The following HPSE2 variants were observed in gnomAD, a reference collection of about 807,000 sequenced individuals.
The protein encoded by HPSE2 is inactive heparanase-2.
A neutral mutation model predicts 60.5 loss-of-function variants in HPSE2; 38 were observed. The observed-to-expected ratio is 0.63, with a 90% CI of 0.48 to 0.82. The LOEUF is 0.82. Ranked by LOEUF, HPSE2 falls within the 40% of genes least tolerant of loss-of-function variation. HPSE2 has a pLI of 0.00. For missense variants in HPSE2, 713 were observed against 740.4 expected (o/e 0.96, Z 0.43); for synonymous variants, 295 against 293.2 (o/e 1.01, Z -0.06).
At chr10:99,290,248 T>C in the HPSE2 span, among the ~76,000 whole-genome samples, 4 of 151,984 alleles carry the variant, frequency 2.6e-5, no homozygotes, top group African/African-American at 7.3e-5. Flanking sequence ...AATGGAGAAG[T>C]GAAAAAGCCA....
chr10:98,664,096 C>T (rs972489855), intron 6 of HPSE2, among the ~76,000 whole-genome samples: 14 of 152,086 alleles, frequency 9.2e-5, no homozygotes, highest in Non-Finnish European at 1.5e-5. Context: ...GGGTACAGCT[C>T]TTTGTTACCC....
intron 3 of HPSE2, among the ~76,000 whole-genome samples, chr10:99,098,964 T>G (rs1393827761): frequency 6.6e-6 from 1 of 152,092 alleles, no homozygotes; most frequent in Non-Finnish European, 1.5e-5. Flanking sequence ...ATTTTAAACA[T>G]CTCCTTTTTT....
intron 3 of HPSE2, among the ~76,000 whole-genome samples, chr10:98,980,794 A>T (rs1403988516): frequency 6.6e-6 from 1 of 152,202 alleles, no homozygotes; most frequent in African/African-American, 2.4e-5. Context: ...ATTTCATATG[A>T]TCAAATCTAA....
At chr10:99,164,751 G>A (rs1173740685) in intron 2 of HPSE2, among the ~76,000 whole-genome samples, 1 of 151,806 alleles carries the variant, frequency 6.6e-6, no homozygotes, top group Non-Finnish European at 1.5e-5. Context: ...TAGGCCAGGC[G>A]CAGTGGCGCA....
At chr10:98,471,593 T>C (rs1940782999) in intron 11 of HPSE2, among the ~76,000 whole-genome samples, 1 of 152,180 alleles carries the variant, frequency 6.6e-6, no homozygotes, top group Non-Finnish European at 1.5e-5. Flanking sequence ...AGTTTTTTGC[T>C]CCATAGACTG....
intron 3 of HPSE2, among the ~76,000 whole-genome samples, chr10:98,848,651 G>T (rs2134722988): frequency 6.6e-6 from 1 of 152,174 alleles, no homozygotes; most frequent in South Asian, 2.1e-4. Flanking sequence ...TATTTCTGAG[G>T]CCATGGAAAT....
At chr10:99,249,177 T>C in the HPSE2 span, among the ~76,000 whole-genome samples, 20 of 152,150 alleles carry the variant, frequency 1.3e-4, no homozygotes, top group Non-Finnish European at 2.6e-4. Flanking sequence ...CCCAGAATGG[T>C]AGATGCGCCA....
At chr10:98,655,885 T>A (rs563259423) in intron 6 of HPSE2, among the ~76,000 whole-genome samples, 85 of 152,152 alleles carry the variant, frequency 5.6e-4, no homozygotes, top group Non-Finnish European at 9.1e-4. Context: ...GATCCAAGAC[T>A]CAAGGTCTCC....
At chr10:98,804,824 C>T (rs1175900198) in intron 3 of HPSE2, among the ~76,000 whole-genome samples, 1 of 152,108 alleles carries the variant, frequency 6.6e-6, no homozygotes, top group Non-Finnish European at 1.5e-5. Flanking sequence ...GAAGAGATAC[C>T]TGCATTTCCA....
intron 3 of HPSE2, among the ~76,000 whole-genome samples, chr10:98,777,802 T>C (rs1026991163): frequency 1.3e-5 from 2 of 152,182 alleles, no homozygotes; most frequent in African/African-American, 4.8e-5. Flanking sequence ...TTTTATGCCC[T>C]AAGCTACAGC....
chr10:99,057,311 G>A (rs1958137047), intron 3 of HPSE2, among the ~76,000 whole-genome samples: 3 of 152,092 alleles, frequency 2.0e-5, no homozygotes, highest in African/African-American at 7.2e-5. Context: ...TAAAATAACA[G>A]CAAGTGACTC....
chr10:98,866,145 C>T (rs554211147), intron 3 of HPSE2, among the ~76,000 whole-genome samples: 2 of 152,074 alleles, frequency 1.3e-5, no homozygotes, highest in Non-Finnish European at 2.9e-5. Flanking sequence ...ACTGTACTTC[C>T]ATATGTTCTA....
chr10:98,727,185 T>C (rs1397716018), intron 4 of HPSE2, among the ~76,000 whole-genome samples: 1 of 152,138 alleles, frequency 6.6e-6, no homozygotes, highest in Non-Finnish European at 1.5e-5. Flanking sequence ...AGTACAGAAT[T>C]CAGAGTTGGT....
chr10:99,136,285 A>C (rs1011660043), intron 3 of HPSE2, among the ~76,000 whole-genome samples: 1 of 152,156 alleles, frequency 6.6e-6, no homozygotes, highest in South Asian at 2.1e-4. Flanking sequence ...GACCAGACAG[A>C]TTCACAGCCG....
intron 2 of HPSE2, among the ~76,000 whole-genome samples, chr10:99,194,859 GAGA>G (rs1187710901): frequency 7.2e-5 from 11 of 152,042 alleles, no homozygotes; most frequent in South Asian, 2.1e-4. Context: ...TGAAAAATTA[GAGA>G]AGAAGGAAGA....
chr10:99,017,532 G>A (rs572918535), intron 3 of HPSE2, among the ~76,000 whole-genome samples: 3 of 152,130 alleles, frequency 2.0e-5, no homozygotes, highest in Admixed American at 6.5e-5. Context: ...GGATGATGCC[G>A]GCCTTATAGA....
In HPSE2 at chr10:98,871,316, G is replaced by A. The variant is rs1042093781; in HGVS notation, c.611-127260C>T. ...ACATCCATCATAATTGATACGAAAA[G>A]TACAGCTAGGAGGTGCACCCAAATG... On this transcript the variant is annotated intron_variant, in intron 3 of 11. Transcript: ENST00000370552. Among the ~76,000 whole-genome samples, 5 of 151,966 alleles carry A rather than the reference G, an allele frequency of 3.3e-5. No homozygotes were observed. In the East Asian group the frequency reaches 9.6e-4, roughly 29 times the overall value.
At chr10:98,668,277 T>C (rs917128979) in intron 6 of HPSE2, among the ~76,000 whole-genome samples, 3 of 152,060 alleles carry the variant, frequency 2.0e-5, no homozygotes, top group African/African-American at 4.8e-5. Flanking sequence ...CACAAATAAA[T>C]AGAAAAATAT....
At chr10:99,040,590 A>G (rs1957715264) in intron 3 of HPSE2, among the ~76,000 whole-genome samples, 1 of 152,100 alleles carries the variant, frequency 6.6e-6, no homozygotes, top group South Asian at 2.1e-4. Context: ...CTTTTATGCA[A>G]TCAAATCTGC....
Sources: allele counts gnomAD v4.1 joint callset (sites outside exome capture counted in the v4.1 genomes callset), GRCh38; gene constraint gnomAD v4.1.1; transcripts MANE v1.5; gene names NCBI Gene and HGNC (gene_info 2026-07-23, HGNC 2026-07-21).